Variants in TMEM238L observed in about 807,000 individuals in gnomAD.
TMEM238L encodes transmembrane protein 238-like.
rs982605534 is a variant in TMEM238L at position 10,804,085 on chromosome 17, G to A, written c.-122C>T. On this transcript the variant is annotated 5_prime_UTR_variant, in exon 1 of 2. Coordinates refer to ENST00000581851, the Ensembl canonical transcript of TMEM238L. ...GGTGTGAGCAAATGAGCGAGCTGGC[G>A]CTTCTTGGAGCCACAGGGAAGTACA... The A allele has an allele frequency of 2.0e-4, 81 of 398,856 alleles. No homozygotes were observed. The Middle Eastern group carries it at 3.7e-3, about 18-fold the overall frequency. The allele number at this position is 398,856 out of a possible 1,614,324, so 24.7% of individuals were successfully genotyped here.
At chr17:10,796,460 G>A (rs538158200) in intron 1 of TMEM238L, among the ~76,000 whole-genome samples, 53 of 152,276 alleles carry the variant, frequency 3.5e-4, no homozygotes, top group East Asian at 3.9e-4. Context: ...ACCTTAGCAC[G>A]GTTATGCCAG....
intron 1 of TMEM238L, among the ~76,000 whole-genome samples, chr17:10,797,538 C>A (rs1408558256): frequency 6.6e-6 from 1 of 152,220 alleles, no homozygotes; most frequent in South Asian, 2.1e-4. Flanking sequence ...AGTTTAAAAT[C>A]TGCACATTCA....
At chr17:10,799,703 G>C (rs1464415164) in intron 1 of TMEM238L, among the ~76,000 whole-genome samples, 1 of 152,228 alleles carries the variant, frequency 6.6e-6, no homozygotes, top group Non-Finnish European at 1.5e-5. Context: ...AGTGAGACGA[G>C]CTGCTTTTCA....
chr17:10,799,955 G>A (rs534446632), intron 1 of TMEM238L, among the ~76,000 whole-genome samples: 4 of 149,076 alleles, frequency 2.7e-5, no homozygotes, highest in Admixed American at 2.7e-4. Context: ...TTTTTGAGAC[G>A]GAGTCTGGCT....
At chr17:10,799,461 G>A (rs942220879) in intron 1 of TMEM238L, among the ~76,000 whole-genome samples, 22 of 152,218 alleles carry the variant, frequency 1.4e-4, no homozygotes, top group African/African-American at 5.3e-4. Context: ...GCCTTCAAAA[G>A]TGCTGGGATG....
chr17:10,802,938 T>C lies in TMEM238L; in HGVS notation c.*118+668A>G, dbSNP rs1425542020. Among the ~76,000 whole-genome samples, 2 of 152,190 alleles carry C rather than the reference T, an allele frequency of 1.3e-5. 1 individual carries two copies. The highest frequency in any genetic ancestry group is 2.9e-5 in the Non-Finnish European group (2 of 68,042). On this transcript the variant is annotated intron_variant, in intron 1 of 1. Transcript: ENST00000581851. Reference sequence around the variant, plus strand: ...ATCCATGAAGCCAAACTGTCTTGACTTCTGGGCCTTGGAGACTGGCTGGGC... The same window carrying C: ...ATCCATGAAGCCAAACTGTCTTGACCTCTGGGCCTTGGAGACTGGCTGGGC...
intron 1 of TMEM238L, among the ~76,000 whole-genome samples, chr17:10,801,865 T>C (rs1299440957): frequency 2.0e-5 from 3 of 152,146 alleles, no homozygotes; most frequent in Non-Finnish European, 2.9e-5. Context: ...CACTGCAGCC[T>C]GTGCCTCCTG....
At chr17:10,802,303 G>A (rs561341023) in intron 1 of TMEM238L, 28 of 152,252 alleles carry the variant, frequency 1.8e-4, no homozygotes, top group Non-Finnish European at 3.2e-4. Context: ...TTGACATCTG[G>A]TGTAAGAACC....
At chr17:10,803,300 C>T (rs149803300) in intron 1 of TMEM238L, among the ~76,000 whole-genome samples, 1 of 152,268 alleles carries the variant, frequency 6.6e-6, no homozygotes, top group East Asian at 1.9e-4. Flanking sequence ...TCCCCAAGTT[C>T]CGAGGTAAAG....
intron 1 of TMEM238L, among the ~76,000 whole-genome samples, chr17:10,801,887 T>C (rs1904758768): frequency 6.6e-6 from 1 of 152,002 alleles, no homozygotes; most frequent in East Asian, 1.9e-4. Context: ...GCTCCAGCAA[T>C]CCTTCTGCCT....
intron 1 of TMEM238L, among the ~76,000 whole-genome samples, chr17:10,797,027 C>G (rs190774116): frequency 2.0e-5 from 3 of 152,278 alleles, no homozygotes; most frequent in Admixed American, 1.3e-4. Flanking sequence ...CAATAAAACA[C>G]TATCTACAAG....
At chr17:10,798,814 T>C (rs1039209388) in intron 1 of TMEM238L, among the ~76,000 whole-genome samples, 5 of 152,014 alleles carry the variant, frequency 3.3e-5, no homozygotes, top group Admixed American at 6.6e-5. Context: ...TGTTTGGGTG[T>C]GTAGTCTTGG....
At chr17:10,795,505 T>C (rs1904514023) in exon 2 of TMEM238L, 1 of 152,252 alleles carries the variant, frequency 6.6e-6, no homozygotes, top group Admixed American at 6.5e-5. Flanking sequence ...GCTCACACAG[T>C]CTGTCCAAAG....
At chr17:10,802,151 A>C (rs1904764846) in intron 1 of TMEM238L, among the ~76,000 whole-genome samples, 1 of 152,142 alleles carries the variant, frequency 6.6e-6, no homozygotes, top group Non-Finnish European at 1.5e-5. Flanking sequence ...CCAGCACACA[A>C]ATCAGGGACC....
chr17:10,796,940 T>C (rs1447669509), intron 1 of TMEM238L, among the ~76,000 whole-genome samples: 1 of 152,184 alleles, frequency 6.6e-6, no homozygotes, highest in Non-Finnish European at 1.5e-5. Flanking sequence ...ATAGTCTCTG[T>C]TACCATTGCT....
chr17:10,803,692 C>T (rs948116162), exon 1 of TMEM238L: 3 of 398,948 alleles, frequency 7.5e-6, no homozygotes, highest in African/African-American at 2.1e-5. Flanking sequence ...GCATACAGCA[C>T]CTGCGTCTCT....
exon 2 of TMEM238L, chr17:10,795,873 C>T (rs906399424): frequency 1.3e-5 from 2 of 152,234 alleles, no homozygotes; most frequent in African/African-American, 4.8e-5. Context: ...CCTCTCGTTC[C>T]TCCTGGATGC....
intron 1 of TMEM238L, among the ~76,000 whole-genome samples, chr17:10,799,237 G>C (rs1005584342): frequency 1.3e-5 from 2 of 152,124 alleles, no homozygotes; most frequent in African/African-American, 4.8e-5. Flanking sequence ...TTGCTCTGCC[G>C]CCCAGGCTGG....
chr17:10,799,493 C>T (rs1485936302), intron 1 of TMEM238L, among the ~76,000 whole-genome samples: 4 of 152,182 alleles, frequency 2.6e-5, no homozygotes, highest in East Asian at 1.9e-4. Flanking sequence ...CTATCATGCC[C>T]GGCCTCAACC....
Sources: gnomAD v4.1 joint callset for allele counts (sites outside exome capture counted in the v4.1 genomes callset) on GRCh38, gnomAD v4.1.1 for gene constraint, MANE v1.5 for transcripts, NCBI Gene and HGNC (gene_info 2026-07-23, HGNC 2026-07-21) for gene names.